The following OPCML variants were observed in gnomAD, a reference collection of about 807,000 sequenced individuals.
The protein encoded by OPCML is opioid binding protein/cell adhesion molecule like.
In OPCML, 13 loss-of-function variants were observed where a neutral mutation model predicts 37.8. The ratio of observed to expected loss-of-function variants is 0.34; its 90% confidence interval spans 0.22 to 0.55. The LOEUF is 0.55. Among genes scored for constraint, OPCML ranks in the 20% least tolerant of loss-of-function variants. The pLI is 0.91. For missense variants in OPCML, 341 were observed against 435.6 expected (o/e 0.78, Z 1.93); for synonymous variants, 176 against 168.8 (o/e 1.04, Z -0.33).
At chr11:132,482,178 C>A (rs1454647737) in intron 4 of OPCML, among the ~76,000 whole-genome samples, 2 of 149,386 alleles carry the variant, frequency 1.3e-5, no homozygotes, top group Non-Finnish European at 1.5e-5. Flanking sequence ...GCTAGCAAGA[C>A]TAATAAAGAA....
intron 2 of OPCML, among the ~76,000 whole-genome samples, chr11:132,834,230 T>C (rs753935217): frequency 2.0e-5 from 3 of 152,206 alleles, no homozygotes; most frequent in African/African-American, 2.4e-5. Context: ...TTAAGGACTT[T>C]GGGATTCAAC....
chr11:133,424,770 A>G (rs1412991419), intron 1 of OPCML, among the ~76,000 whole-genome samples: 1 of 152,234 alleles, frequency 6.6e-6, no homozygotes, highest in African/African-American at 2.4e-5. Flanking sequence ...TCTTTAATAC[A>G]TATTGCCAAA....
At chr11:133,161,985 C>CTTTGTTTTTTTT (rs1950148129) in intron 1 of OPCML, among the ~76,000 whole-genome samples, 1 of 85,482 alleles carries the variant, frequency 1.2e-5, no homozygotes, top group African/African-American at 4.6e-5. Context: ...CAGTCTCTGT[C>CTTTGTTTTTTTT]TTTTTTTTTT....
intron 1 of OPCML, among the ~76,000 whole-genome samples, chr11:133,169,086 G>A (rs997607231): frequency 3.9e-5 from 6 of 152,084 alleles, no homozygotes; most frequent in African/African-American, 9.7e-5. Flanking sequence ...CCGAGATCGC[G>A]CCATTGCACT....
At chr11:132,885,768 C>T (rs1257414965) in intron 2 of OPCML, among the ~76,000 whole-genome samples, 2 of 152,074 alleles carry the variant, frequency 1.3e-5, no homozygotes, top group African/African-American at 4.8e-5. Flanking sequence ...AGAGCAAACT[C>T]GTGGTAGAAA....
intron 2 of OPCML, among the ~76,000 whole-genome samples, chr11:132,756,977 T>C (rs1946071434): frequency 6.6e-6 from 1 of 152,042 alleles, no homozygotes; most frequent in South Asian, 2.1e-4. Flanking sequence ...TCCCCTCCCA[T>C]ATGTTCTCAT....
At chr11:132,689,582 C>T (rs982698586) in intron 2 of OPCML, among the ~76,000 whole-genome samples, 5 of 152,180 alleles carry the variant, frequency 3.3e-5, no homozygotes, top group Non-Finnish European at 7.3e-5. Flanking sequence ...ACTGAGATGG[C>T]TCAATGTCAT....
intron 2 of OPCML, among the ~76,000 whole-genome samples, chr11:132,875,925 G>A (rs926821383): frequency 5.9e-5 from 9 of 152,170 alleles, no homozygotes; most frequent in Non-Finnish European, 1.0e-4. Flanking sequence ...CTGCATTATT[G>A]CAACCCAGAT....
chr11:132,726,660 T>C (rs1944896691), intron 2 of OPCML, among the ~76,000 whole-genome samples: 2 of 151,996 alleles, frequency 1.3e-5, no homozygotes, highest in African/African-American at 4.8e-5. Flanking sequence ...AGCGTAAGTG[T>C]GTGTGTGGGC....
chr11:132,706,972 G>T (rs763093272), intron 2 of OPCML, among the ~76,000 whole-genome samples: 3 of 152,128 alleles, frequency 2.0e-5, no homozygotes, highest in Non-Finnish European at 4.4e-5. Context: ...TTGTCTAAAC[G>T]TCGCCAAGAT....
intron 1 of OPCML, among the ~76,000 whole-genome samples, chr11:133,498,119 C>A (rs1290144804): frequency 6.6e-6 from 1 of 152,190 alleles, no homozygotes; most frequent in African/African-American, 2.4e-5. Flanking sequence ...GGGTGCCGGG[C>A]AAGCGGCGGT....
chr11:132,504,518 G>T (rs1350792650), intron 4 of OPCML, among the ~76,000 whole-genome samples: 2 of 152,172 alleles, frequency 1.3e-5, no homozygotes, highest in African/African-American at 4.8e-5. Context: ...ATCACTTGGT[G>T]CTGCAGTCAT....
intron 3 of OPCML, among the ~76,000 whole-genome samples, chr11:132,587,831 C>G (rs980318395): frequency 6.6e-6 from 1 of 152,110 alleles, no homozygotes; most frequent in Non-Finnish European, 1.5e-5. Context: ...TTTTATGGGG[C>G]TGGTTTCTCA....
intron 1 of OPCML, among the ~76,000 whole-genome samples, chr11:133,200,875 C>A (rs1938751045): frequency 6.6e-6 from 1 of 152,112 alleles, no homozygotes; most frequent in African/African-American, 2.4e-5. Context: ...GACATGGAAT[C>A]CACCTAGAAG....
At chr11:133,345,499 G>T (rs966231712) in intron 1 of OPCML, among the ~76,000 whole-genome samples, 3 of 152,152 alleles carry the variant, frequency 2.0e-5, no homozygotes, top group Non-Finnish European at 4.4e-5. Flanking sequence ...CACTGCACTA[G>T]AATCATCTAG....
chr11:132,580,824 CAATGTGCACTGGTCTGCAGAAGAATTA>C (rs1272267548), intron 3 of OPCML, among the ~76,000 whole-genome samples: 3 of 152,156 alleles, frequency 2.0e-5, no homozygotes, highest in Non-Finnish European at 4.4e-5. Flanking sequence ...TTAACCAAAT[CAATGTGCACTGGTCTGCAGAAGAATTA>C]ATTCCATAGG....
intron 1 of OPCML, chr11:133,302,707 T>C (rs750811121): frequency 6.6e-6 from 1 of 152,202 alleles, no homozygotes; most frequent in Admixed American, 6.5e-5. Flanking sequence ...CATGTTATAA[T>C]ATTTCTGAAA....
chr11:132,592,066 A>ATGTG (rs2096485374), intron 3 of OPCML, among the ~76,000 whole-genome samples: 1 of 152,220 alleles, frequency 6.6e-6, no homozygotes, highest in Non-Finnish European at 1.5e-5. Context: ...AATACAGAAA[A>ATGTG]TGTGTGTGAT....
At chr11:132,430,019 G>A (rs2095991096) in intron 7 of OPCML, among the ~76,000 whole-genome samples, 1 of 152,178 alleles carries the variant, frequency 6.6e-6, no homozygotes, top group African/African-American at 2.4e-5. Flanking sequence ...GGTGAGAGGG[G>A]CTCTGGCACT....
Sources: allele counts gnomAD v4.1 joint callset (sites outside exome capture counted in the v4.1 genomes callset), GRCh38; gene constraint gnomAD v4.1.1; transcripts MANE v1.5; gene names NCBI Gene and HGNC (gene_info 2026-07-23, HGNC 2026-07-21).